ZBTB20: variants seen among roughly 807,000 people sequenced by gnomAD.
The protein encoded by ZBTB20 is zinc finger and BTB domain-containing protein 20.
Under a neutral mutation model 56.9 loss-of-function variants are expected in ZBTB20, and 9 were observed. The ratio of observed to expected loss-of-function variants is 0.16; its 90% CI spans 0.10 to 0.28. The LOEUF (loss-of-function observed/expected upper bound fraction) is 0.28. ZBTB20 is among the 10% of genes least tolerant of loss of function. ZBTB20 has a pLI of 1.00. For synonymous variants in ZBTB20, 417 were observed against 420.7 expected, an observed-to-expected ratio of 0.99 and a Z score of 0.11; for missense variants, 655 against 1,003.0, an observed-to-expected ratio of 0.65 and a Z score of 4.69.
intron 7 of ZBTB20, among the ~76,000 whole-genome samples, chr3:114,416,886 T>C (rs1307972738): frequency 6.6e-6 from 1 of 152,116 alleles, no homozygotes; most frequent in African/African-American, 2.4e-5. Flanking sequence ...TTGAAGAATC[T>C]TTTAAATGCC....
At position 114,982,026 on chromosome 3, in the gene ZBTB20, C is replaced by T. The variant is rs149279810; in HGVS notation, c.-506-7610G>A. ...CCTTTGTGCAGCTGGCAGTTTTATA[C>T]CATAGTAAATTTCCCAGAGTCAATG... is the stretch of plus-strand genomic sequence containing the variant. On this transcript the variant is annotated intron_variant, in intron 2 of 11. Coordinates refer to ENST00000675478, the MANE Select transcript of ZBTB20 (RefSeq NM_001348800.3). Among the ~76,000 whole-genome samples the T allele has an allele frequency of 5.4e-4, 82 of 152,072 alleles. 3 individuals carry two copies. The highest frequency in any genetic ancestry group is 1.1e-3 in the Admixed American group (16 of 15,228).
chr3:114,537,960 T>A (rs1053389730), intron 6 of ZBTB20, among the ~76,000 whole-genome samples: 1 of 151,520 alleles, frequency 6.6e-6, no homozygotes, highest in African/African-American at 2.4e-5. Context: ...GGGAGGGGAA[T>A]GTCACACACT....
At chr3:114,684,921 C>T (rs1419700596) in intron 6 of ZBTB20, among the ~76,000 whole-genome samples, 77 of 152,212 alleles carry the variant, frequency 5.1e-4, no homozygotes, top group African/African-American at 1.7e-3. Flanking sequence ...CATTTAGGCT[C>T]TATCAGTGAG....
chr3:114,414,251 C>T (rs1438019176), intron 7 of ZBTB20, among the ~76,000 whole-genome samples: 1 of 152,076 alleles, frequency 6.6e-6, no homozygotes, highest in Non-Finnish European at 1.5e-5. Flanking sequence ...TCAGGTACTA[C>T]AATAGAAGTA....
chr3:114,735,960 C>T (rs896087631), intron 5 of ZBTB20, among the ~76,000 whole-genome samples: 1 of 152,094 alleles, frequency 6.6e-6, no homozygotes, highest in Non-Finnish European at 1.5e-5. Flanking sequence ...ATTTATAACA[C>T]TTAAGTATAA....
chr3:114,867,153 T>TC (rs2075798820), intron 4 of ZBTB20, among the ~76,000 whole-genome samples: 1 of 152,080 alleles, frequency 6.6e-6, no homozygotes, highest in Non-Finnish European at 1.5e-5. Flanking sequence ...GGCACTCGGC[T>TC]CTTAAGAGAG....
chr3:114,851,675 C>T (rs1560321466), intron 4 of ZBTB20, among the ~76,000 whole-genome samples: 1 of 151,832 alleles, frequency 6.6e-6, no homozygotes, highest in Non-Finnish European at 1.5e-5. Flanking sequence ...TAACTTCTGA[C>T]TTTATTTTTT....
At chr3:114,893,453 T>C (rs11712526) in intron 4 of ZBTB20, among the ~76,000 whole-genome samples, 6,479 of 152,320 alleles carry the variant, frequency 0.043, 163 homozygotes, top group Middle Eastern at 0.11. Context: ...AGTTCTGCTT[T>C]AAAGCTTCAA....
At chr3:114,541,735 T>C (rs1027991376) in intron 6 of ZBTB20, among the ~76,000 whole-genome samples, 7 of 152,112 alleles carry the variant, frequency 4.6e-5, no homozygotes, top group African/African-American at 1.2e-4. Context: ...ACTCAGAATA[T>C]TTAGGTTTAT....
intron 6 of ZBTB20, among the ~76,000 whole-genome samples, chr3:114,681,792 A>C (rs964090886): frequency 5.9e-5 from 9 of 152,198 alleles, no homozygotes; most frequent in Non-Finnish European, 1.5e-5. Context: ...TAAGCCAAAA[A>C]GAAGATAAAC....
chr3:114,954,512 T>C (rs940755937), intron 3 of ZBTB20, among the ~76,000 whole-genome samples: 2 of 152,084 alleles, frequency 1.3e-5, no homozygotes, highest in African/African-American at 2.4e-5. Flanking sequence ...CTCTTACAGA[T>C]AGCAAAATAT....
chr3:114,569,755 C>T (rs1333296349), intron 6 of ZBTB20, among the ~76,000 whole-genome samples: 1 of 151,438 alleles, frequency 6.6e-6, no homozygotes, highest in Admixed American at 6.6e-5. Flanking sequence ...CTTAATTCAG[C>T]AAACATTTAA....
chr3:114,641,387 G>A (rs1418737288), intron 6 of ZBTB20, among the ~76,000 whole-genome samples: 1 of 151,730 alleles, frequency 6.6e-6, no homozygotes, highest in Non-Finnish European at 1.5e-5. Context: ...GAAATTTAAA[G>A]TACAAAAGTA....
At chr3:114,630,121 C>A (rs969397441) in intron 6 of ZBTB20, among the ~76,000 whole-genome samples, 2 of 152,026 alleles carry the variant, frequency 1.3e-5, no homozygotes, top group African/African-American at 2.4e-5. Context: ...CCCTGGGTGA[C>A]AAAGCGAGAC....
chr3:114,539,787 T>C (rs2048900366), intron 6 of ZBTB20, among the ~76,000 whole-genome samples: 1 of 152,078 alleles, frequency 6.6e-6, no homozygotes, highest in Admixed American at 6.6e-5. Flanking sequence ...TCGAGAAAAA[T>C]GATTCATCCA....
At chr3:114,931,688 G>T (rs574326327) in intron 3 of ZBTB20, among the ~76,000 whole-genome samples, 1 of 151,484 alleles carries the variant, frequency 6.6e-6, no homozygotes, top group South Asian at 2.1e-4. Context: ...GGTTTTTATT[G>T]TTGTTGTTTT....
intron 5 of ZBTB20, among the ~76,000 whole-genome samples, chr3:114,736,212 T>C (rs1371411107): frequency 1.3e-5 from 2 of 152,182 alleles, no homozygotes; most frequent in African/African-American, 2.4e-5. Context: ...AGAGGTTCTA[T>C]TGTCATGAAT....
At chr3:114,524,688 C>A (rs1052386928) in intron 6 of ZBTB20, among the ~76,000 whole-genome samples, 8 of 152,126 alleles carry the variant, frequency 5.3e-5, no homozygotes, top group African/African-American at 1.4e-4. Context: ...TCCTCCCTAT[C>A]CAAATTATCT....
intron 4 of ZBTB20, among the ~76,000 whole-genome samples, chr3:114,817,347 C>T (rs906443237): frequency 4.0e-5 from 6 of 151,696 alleles, no homozygotes; most frequent in South Asian, 2.1e-4. Context: ...GGAGAAACCC[C>T]GTCTCTACTA....
Sources: gnomAD v4.1 joint callset for allele counts (sites outside exome capture counted in the v4.1 genomes callset) on GRCh38, gnomAD v4.1.1 for gene constraint, MANE v1.5 for transcripts, NCBI Gene and HGNC (gene_info 2026-07-23, HGNC 2026-07-21) for gene names.